ZFR2: variants seen among roughly 807,000 people sequenced by gnomAD.
ZFR2 encodes zinc finger RNA binding protein 2.
Under a neutral mutation model 105.7 loss-of-function variants are expected in ZFR2, and 104 were observed. The ratio of observed to expected loss-of-function variants is 0.98; its 90% confidence interval spans 0.84 to 1.16. ZFR2 has a LOEUF of 1.16. Ranked by LOEUF, ZFR2 falls within the 50% of genes most tolerant of loss-of-function variation. ZFR2 has a pLI of 0.00. For synonymous variants in ZFR2, 634 were observed against 597.7 expected (o/e 1.06, Z -0.89); for missense variants, 1,425 against 1,355.5 (o/e 1.05, Z -0.80).
intron 16 of ZFR2, 65 bp downstream of exon 16, chr19:3,810,685 C>T: frequency 7.0e-7 from 1 of 1,438,814 alleles, no homozygotes; most frequent in Non-Finnish European, 9.4e-7. Flanking sequence ...CAGCCTGGGC[C>T]TGTCAGGGCC....
At chr19:3,842,010 CTT>C (rs566135761) in intron 1 of ZFR2, among the ~76,000 whole-genome samples, 1 of 145,282 alleles carries the variant, frequency 6.9e-6, no homozygotes, top group Admixed American at 6.9e-5. Context: ...AGCAGAGTGA[CTT>C]TTTTTTTTTT....
intron 1 of ZFR2, among the ~76,000 whole-genome samples, chr19:3,856,033 C>T (rs1354608301): frequency 6.6e-6 from 1 of 152,026 alleles, no homozygotes; most frequent in Non-Finnish European, 1.5e-5. Context: ...GAAATGGGGG[C>T]GAGAGCAGAA....
chr19:3,843,757 C>T (rs2038157203), intron 1 of ZFR2, among the ~76,000 whole-genome samples: 1 of 151,148 alleles, frequency 6.6e-6, no homozygotes, highest in African/African-American at 2.4e-5. Context: ...ATGGCGTGAA[C>T]CTGGGAGGCG....
At chr19:3,808,382 T>A (rs1324738527) in intron 17 of ZFR2, among the ~76,000 whole-genome samples, 1 of 152,264 alleles carries the variant, frequency 6.6e-6, no homozygotes, top group Non-Finnish European at 1.5e-5. Context: ...AAACACCCTT[T>A]TCCGTATCTG....
At position 3,804,961 on chromosome 19, in the gene ZFR2, C is replaced by G. The variant is rs1319995435; in HGVS notation, c.*988G>C. The G allele has an allele frequency of 6.6e-6, 1 of 152,338 alleles. No homozygotes were observed. 9.4% of individuals were successfully genotyped at this position (152,338 alleles called of 1,614,324 possible). On this transcript the variant is annotated 3_prime_UTR_variant, in exon 19 of 19. Transcript: ENST00000262961. ...GTAGCGCAATCTCGGCTCGCTGCAG[C>G]CTCGAACTCCTGGGCTCAAGGGATC...
chr19:3,816,932 G>C, intron 12 of ZFR2, 87 bp from the exon 13 acceptor site: 1 of 1,255,880 alleles, frequency 8.0e-7, no homozygotes, highest in South Asian at 1.5e-5. Flanking sequence ...CGGGGACCCT[G>C]CAAGTTACAG....
At chr19:3,859,294 C>T (rs1260856671) in intron 1 of ZFR2, among the ~76,000 whole-genome samples, 9 of 152,210 alleles carry the variant, frequency 5.9e-5, no homozygotes, top group African/African-American at 2.2e-4. Context: ...CAGGGGCTCT[C>T]GGGCCTTTGG....
chr19:3,807,741 T>C (rs1568415421), intron 17 of ZFR2, among the ~76,000 whole-genome samples: 1 of 134,496 alleles, frequency 7.4e-6, no homozygotes, highest in African/African-American at 3.2e-5. Context: ...TGTGTGCATG[T>C]GTGCCTGTGC....
intron 13 of ZFR2, among the ~76,000 whole-genome samples, chr19:3,816,339 G>T (rs1036808404): frequency 1.3e-5 from 2 of 151,384 alleles, no homozygotes; most frequent in Non-Finnish European, 2.9e-5. Context: ...TCTGCCTCCG[G>T]GATTTAAGTG....
intron 14 of ZFR2, among the ~76,000 whole-genome samples, chr19:3,812,115 T>C (rs981437770): frequency 1.3e-5 from 2 of 152,112 alleles, no homozygotes; most frequent in Admixed American, 1.3e-4. Flanking sequence ...AGCTAATTTT[T>C]ATATTTTTAG....
At chr19:3,811,122 CAGCACTCG>C in intron 15 of ZFR2, 142 bp downstream of exon 15, 2 of 819,422 alleles carry the variant, frequency 2.4e-6, no homozygotes, top group Non-Finnish European at 3.7e-6. Context: ...GTTGTCAAGT[CAGCACTCG>C]GCCAGGAAGC....
chr19:3,848,177 C>T (rs1450647734), intron 1 of ZFR2, among the ~76,000 whole-genome samples: 1 of 151,788 alleles, frequency 6.6e-6, no homozygotes, highest in Non-Finnish European at 1.5e-5. Flanking sequence ...TTTGGGAGGC[C>T]GAGGCAGGTG....
At position 3,807,892 on chromosome 19, in the gene ZFR2, CGT is replaced by C. The variant is rs559957413; in HGVS notation, c.2546-625_2546-624del. Among the ~76,000 whole-genome samples the C allele has an allele frequency of 4.1e-3, 595 of 144,748 alleles. 3 individuals are homozygous for C. Among genetic ancestry groups the C allele is most frequent in the Admixed American group, 8.4e-3 (121 of 14,450 alleles). 95.0% of individuals were successfully genotyped at this position (144,748 alleles called of 152,430 possible). ...GTGCCTGTGTGTGTGCATGTGTGCC[CGT>C]GTGCACTCATGTATGTGTATATGCC... On this transcript the variant is annotated intron_variant, in intron 17 of 18. Coordinates refer to ENST00000262961, the MANE Select transcript of ZFR2 (RefSeq NM_015174.2).
chr19:3,828,301 C>T (rs1050832140), intron 5 of ZFR2, among the ~76,000 whole-genome samples: 3 of 152,146 alleles, frequency 2.0e-5, no homozygotes, highest in Non-Finnish European at 4.4e-5. Flanking sequence ...CACACCACCA[C>T]GCGTAGCTAA....
Position 3,858,779 on chromosome 19 carries a change from C to G in ZFR2, c.53+10186G>C, listed in dbSNP as rs1165489803. On this transcript the variant is annotated intron_variant, in intron 1 of 18. Transcript: ENST00000262961. The surrounding 1 kb of genome is among the most constrained non-coding windows in gnomAD (Gnocchi z 4.3). ...GTTGCAGTGAGCTGAGATTGCACCA[C>G]TGTACTCCAGCCTGGGCGACAGAGT... 1.3e-5 allele frequency among the ~76,000 whole-genome samples: 2 copies of G among 152,214 alleles called. No homozygotes were observed. Among genetic ancestry groups the G allele is most frequent in the Non-Finnish European group, 2.9e-5 (2 of 68,046 alleles).
intron 14 of ZFR2, among the ~76,000 whole-genome samples, 183 bp from the exon 15 acceptor site, chr19:3,811,549 G>T (rs925950548): frequency 1.7e-4 from 26 of 151,826 alleles, no homozygotes; most frequent in African/African-American, 6.3e-4. Context: ...CTGTCTCCGG[G>T]GTTCAAGTGA....
At position 3,838,076 on chromosome 19, in the gene ZFR2, A is replaced by ATGACCGTGACACGTGATGAACACCG. The variant is rs2038096545; in HGVS notation, c.54-3094_54-3093insCGGTGTTCATCACGTGTCACGGTCA. 6.9e-6 allele frequency among the ~76,000 whole-genome samples: 1 copy of ATGACCGTGACACGTGATGAACACCG among 145,486 alleles called. No individual in the cohort carries two copies. The highest frequency in any genetic ancestry group is 7.4e-5 in the Admixed American group (1 of 13,442). On this transcript the variant is annotated intron_variant, in intron 1 of 18. Coordinates refer to ENST00000262961, the MANE Select transcript of ZFR2 (RefSeq NM_015174.2). This position sits in a 1 kb window ranked among gnomAD's most constrained non-coding sequence, Gnocchi z 4.9. Reference sequence around the variant, plus strand: ...ATGACCGTGACACGTGATGAACACCATGACCGTGACACGCGATGAACACCG... The same window carrying ATGACCGTGACACGTGATGAACACCG: ...ATGACCGTGACACGTGATGAACACCATGACCGTGACACGTGATGAACACCGTGACCGTGACACGCGATGAACACCG...
chr19:3,821,437 T>G lies in ZFR2; in HGVS notation c.1534A>C (p.Ser512Arg), dbSNP rs2145147641. Reference sequence around the variant, plus strand: ...TCCTCCAGGACCTTCCGAGCCCGGCTGCTGGGCTCCGTGGCAATGGGAAGG... The same window carrying G: ...TCCTCCAGGACCTTCCGAGCCCGGCGGCTGGGCTCCGTGGCAATGGGAAGG... The part of the protein sequence containing the change: ...PDLPIATEPS[S>R]RARKVLEERM... The change falls in exon 10 of 19, where the codon AGC becomes CGC. Residue 512 changes from serine (S) to arginine (R), a missense_variant. By Grantham distance (110) the Ser-to-Arg change is moderately radical (BLOSUM62 -1). Coordinates refer to ENST00000262961, the MANE Select transcript of ZFR2 (RefSeq NM_015174.2). 1 of 1,609,692 alleles carries G rather than the reference T, an allele frequency of 6.2e-7. No homozygotes were observed. The highest frequency in any genetic ancestry group is 8.5e-7 in the Non-Finnish European group (1 of 1,177,402).
At chr19:3,833,055 T>C (rs2038036311) in intron 3 of ZFR2, among the ~76,000 whole-genome samples, 1 of 151,116 alleles carries the variant, frequency 6.6e-6, no homozygotes, top group Admixed American at 6.6e-5. Flanking sequence ...AAGACCAGCC[T>C]GGCTAACATA....
Sources: allele counts gnomAD v4.1 joint callset (sites outside exome capture counted in the v4.1 genomes callset), GRCh38; gene constraint gnomAD v4.1.1; non-coding constraint Gnocchi (gnomAD v3.1); transcripts MANE v1.5; gene names NCBI Gene and HGNC (gene_info 2026-07-23, HGNC 2026-07-21).